SLC25A12: variants seen among roughly 807,000 people sequenced by gnomAD.
SLC25A12 encodes solute carrier family 25 member 12.
SLC25A12 carries 32 observed loss-of-function variants against 83.3 expected under a neutral mutation model. The ratio of observed to expected loss-of-function variants is 0.38; its 90% CI spans 0.29 to 0.52. The LOEUF is 0.52. SLC25A12 is among the 20% of genes least tolerant of loss of function. SLC25A12 has a pLI of 0.84. For missense variants in SLC25A12, 611 were observed against 835.6 expected (o/e 0.73, Z 3.31); for synonymous variants, 267 against 291.1 (o/e 0.92, Z 0.84).
intron 2 of SLC25A12, among the ~76,000 whole-genome samples, chr2:171,878,617 G>A (rs1412936057): frequency 6.6e-6 from 1 of 151,866 alleles, no homozygotes; most frequent in Admixed American, 6.6e-5. Flanking sequence ...CCAACATGTG[G>A]CTGTAATATG....
intron 13 of SLC25A12, among the ~76,000 whole-genome samples, chr2:171,800,158 T>C (rs112065044): frequency 1.3e-5 from 2 of 152,092 alleles, no homozygotes; most frequent in Non-Finnish European, 1.5e-5. Flanking sequence ...AAAACTACTA[T>C]AAACATCATT....
intron 2 of SLC25A12, among the ~76,000 whole-genome samples, chr2:171,882,439 T>C: frequency 6.6e-6 from 1 of 152,228 alleles, no homozygotes; most frequent in East Asian, 1.9e-4. Context: ...AACAGTACCT[T>C]TTCTCTGCTG....
At chr2:171,811,731 T>A (rs1683949319) in intron 11 of SLC25A12, among the ~76,000 whole-genome samples, 1 of 152,162 alleles carries the variant, frequency 6.6e-6, no homozygotes, top group Non-Finnish European at 1.5e-5. Context: ...CCTCCCCTAC[T>A]TGCTATATTG....
Position 171,881,437 on chromosome 2 carries a change from C to T in SLC25A12, c.66+11768G>A, listed in dbSNP as rs952087646. On this transcript the variant is annotated intron_variant, in intron 2 of 17. Transcript: ENST00000422440. The stretch of plus-strand genomic sequence containing the variant: ...AAAGTGCTAGGATTACAGGCCATCG[C>T]GCCCGGCCAAAACCCCATATTTTCT... Among the ~76,000 whole-genome samples, 7 of 152,172 alleles carry T rather than the reference C, an allele frequency of 4.6e-5. No individual in the cohort carries two copies. In the Middle Eastern group the frequency reaches 0.01, roughly 222 times the overall value.
chr2:171,875,674 G>A (rs1418263175), intron 2 of SLC25A12, among the ~76,000 whole-genome samples: 3 of 151,464 alleles, frequency 2.0e-5, no homozygotes, highest in African/African-American at 7.3e-5. Flanking sequence ...AGCACTTTGG[G>A]AGGCGGAGAC....
intron 3 of SLC25A12, among the ~76,000 whole-genome samples, chr2:171,863,380 G>T (rs1685208949): frequency 1.3e-5 from 2 of 152,196 alleles, no homozygotes; most frequent in Admixed American, 1.3e-4. Flanking sequence ...ACAAAAATTA[G>T]CCAAGCATGG....
intron 2 of SLC25A12, among the ~76,000 whole-genome samples, chr2:171,878,867 T>G (rs1478816170): frequency 6.6e-6 from 1 of 152,244 alleles, no homozygotes; most frequent in African/African-American, 2.4e-5. Context: ...TGTCCTTCAC[T>G]ATTATGGCTC....
rs570265522 is a variant in SLC25A12 at position 171,806,396 on chromosome 2, G to A, written c.1305+3210C>T. Among the ~76,000 whole-genome samples the A allele has an allele frequency of 4.6e-5, 7 of 152,214 alleles. No homozygotes were observed. In the East Asian group the frequency reaches 7.7e-4, roughly 17 times the overall value. On this transcript the variant is annotated intron_variant, in intron 13 of 17. Coordinates refer to ENST00000422440, the MANE Select transcript of SLC25A12 (RefSeq NM_003705.5). ...CATTAACCTGGGAGGTGGAGGCTGC[G>A]GTGGGCCGAGATCGTGCCATTGCAT...
At chr2:171,888,546 A>T (rs1685871863) in intron 2 of SLC25A12, among the ~76,000 whole-genome samples, 1 of 152,026 alleles carries the variant, frequency 6.6e-6, no homozygotes, top group African/African-American at 2.4e-5. Flanking sequence ...GGTTCAAGCG[A>T]TTCTCCTGCC....
intron 2 of SLC25A12, among the ~76,000 whole-genome samples, chr2:171,886,655 A>G (rs372660696): frequency 1.2e-3 from 184 of 151,410 alleles, no homozygotes; most frequent in African/African-American, 3.3e-3. Flanking sequence ...GACTACAGGC[A>G]CCCGCCACCA....
At position 171,824,149 on chromosome 2, in the gene SLC25A12, C is replaced by T. The variant is rs138708880; in HGVS notation, c.930+2649G>A. On this transcript the variant is annotated intron_variant, in intron 9 of 17. Coordinates refer to ENST00000422440, the MANE Select transcript of SLC25A12 (RefSeq NM_003705.5). ...AGAAAATGGTGGTTTTTATCACTGCCCATTTCCTAAATATCTGAAAAGACC... is the reference window on the plus strand; with the variant it reads ...AGAAAATGGTGGTTTTTATCACTGCTCATTTCCTAAATATCTGAAAAGACC... Among the ~76,000 whole-genome samples, 672 of 152,298 alleles carry T rather than the reference C, an allele frequency of 4.4e-3. 5 individuals carry two copies. Among genetic ancestry groups the T allele is most frequent in the African/African-American group, 0.015 (618 of 41,552 alleles).
At chr2:171,861,460 GC>G (rs1377870695) in intron 3 of SLC25A12, among the ~76,000 whole-genome samples, 1 of 152,174 alleles carries the variant, frequency 6.6e-6, no homozygotes, top group African/African-American at 2.4e-5. Context: ...CAGCTGGAGA[GC>G]AATGGTGCAA....
In SLC25A12 at chr2:171,884,053, T is replaced by G. The variant is rs552553938; in HGVS notation, c.66+9152A>C. Among the ~76,000 whole-genome samples the G allele has an allele frequency of 1.3e-3, 195 of 150,468 alleles. 1 individual carries two copies. Among genetic ancestry groups the G allele is most frequent in the African/African-American group, 4.2e-3 (173 of 41,030 alleles). The stretch of plus-strand genomic sequence containing the variant: ...TTTCTTTTCTTTTTTATCTTTTTTT[T>G]TTTTTTTGTAGAGACAGAATCTCAC... On this transcript the variant is annotated intron_variant, in intron 2 of 17. Coordinates refer to ENST00000422440, the MANE Select transcript of SLC25A12 (RefSeq NM_003705.5).
intron 17 of SLC25A12, among the ~76,000 whole-genome samples, 156 bp downstream of exon 17, chr2:171,787,415 A>G (rs924003340): frequency 6.6e-6 from 1 of 152,232 alleles, no homozygotes; most frequent in Non-Finnish European, 1.5e-5. Context: ...CTTGCTTAAC[A>G]CAAATGCTTC....
intron 17 of SLC25A12, among the ~76,000 whole-genome samples, chr2:171,785,834 C>T (rs1400372891): frequency 6.6e-6 from 1 of 151,898 alleles, no homozygotes; most frequent in Non-Finnish European, 1.5e-5. Context: ...TGGGGTCTTG[C>T]TATGTTGCCA....
At chr2:171,871,363 G>A (rs888250959) in intron 2 of SLC25A12, among the ~76,000 whole-genome samples, 6 of 152,184 alleles carry the variant, frequency 3.9e-5, no homozygotes, top group East Asian at 1.9e-4. Context: ...TCAAGAGTTC[G>A]AGGCCAGCCT....
At chr2:171,834,313 A>G in intron 7 of SLC25A12, 1 of 463,640 alleles carries the variant, frequency 2.2e-6, no homozygotes, top group Non-Finnish European at 3.9e-6. Context: ...TCTCTTTAGA[A>G]TCTCCTCTTA....
intron 2 of SLC25A12, among the ~76,000 whole-genome samples, chr2:171,878,551 C>A (rs1685618822): frequency 6.6e-6 from 1 of 152,116 alleles, no homozygotes; most frequent in Non-Finnish European, 1.5e-5. Flanking sequence ...TCCAGTATTC[C>A]TGGGCTTACC....
intron 8 of SLC25A12, among the ~76,000 whole-genome samples, chr2:171,831,632 C>G (rs968608374): frequency 6.6e-6 from 1 of 151,922 alleles, no homozygotes; most frequent in Non-Finnish European, 1.5e-5. Context: ...GAGGCTGGGC[C>G]CAGTGGCTCA....
Sources: allele counts gnomAD v4.1 joint callset (sites outside exome capture counted in the v4.1 genomes callset), GRCh38; gene constraint gnomAD v4.1.1; transcripts MANE v1.5; gene names NCBI Gene and HGNC (gene_info 2026-07-23, HGNC 2026-07-21).